ABHD17B: variants seen among roughly 807,000 people sequenced by gnomAD.
The protein encoded by ABHD17B is abhydrolase domain containing 17B, depalmitoylase, also known as alpha/beta hydrolase domain-containing protein 17B.
Under a neutral mutation model 26.2 loss-of-function variants are expected in ABHD17B, and 9 were observed. The ratio of observed to expected loss-of-function variants is 0.34; its 90% CI spans 0.21 to 0.60. The LOEUF (loss-of-function observed/expected upper bound fraction) is 0.60. Ranked by LOEUF, ABHD17B falls within the 20% of genes least tolerant of loss-of-function variation. The pLI, the probability that ABHD17B is intolerant of heterozygous loss-of-function variation, is 0.80. For synonymous variants in ABHD17B, 127 were observed against 122.3 expected (o/e 1.04, Z -0.25); for missense variants, 224 against 352.1 (o/e 0.64, Z 2.91).
intron 1 of ABHD17B, among the ~76,000 whole-genome samples, chr9:71,883,762 C>A (rs1826520773): frequency 6.6e-6 from 1 of 152,086 alleles, no homozygotes; most frequent in Non-Finnish European, 1.5e-5. Flanking sequence ...CATGGTGAAA[C>A]CCCATCTCTA....
At chr9:71,897,206 T>C (rs2132192983) in intron 1 of ABHD17B, among the ~76,000 whole-genome samples, 1 of 152,108 alleles carries the variant, frequency 6.6e-6, no homozygotes, top group South Asian at 2.1e-4. Context: ...CCACTCCATA[T>C]CATTAAACTT....
chr9:71,865,283 A>G lies in ABHD17B; in HGVS notation c.*1504T>C. 1 of 985,732 alleles carries G rather than the reference A, an allele frequency of 1.0e-6. No homozygotes were observed. The highest frequency in any genetic ancestry group is 1.2e-6 in the Non-Finnish European group (1 of 829,818). The allele number at this position is 985,732 out of a possible 1,614,324, so 61.1% of individuals were successfully genotyped here. ...AACCACGGAACGAGCAGAACAATTAAAACTACATAAGGCCTTAAAATATAT... is the reference window on the plus strand; with the variant it reads ...AACCACGGAACGAGCAGAACAATTAGAACTACATAAGGCCTTAAAATATAT... On this transcript the variant is annotated 3_prime_UTR_variant, in exon 4 of 4. Coordinates refer to ENST00000333421, the MANE Select transcript of ABHD17B (RefSeq NM_001025780.3).
chr9:71,890,107 AAAAT>A (rs10529849), intron 1 of ABHD17B, among the ~76,000 whole-genome samples: 7,503 of 150,882 alleles, frequency 0.05, 641 homozygotes, highest in African/African-American at 0.17. Context: ...ACTAAAAATA[AAAAT>A]AAATAAATAA....
chr9:71,907,763 G>A (rs777470107), intron 1 of ABHD17B, among the ~76,000 whole-genome samples: 2 of 152,036 alleles, frequency 1.3e-5, no homozygotes, highest in African/African-American at 2.4e-5. Flanking sequence ...CGCCTGCCTC[G>A]GCCTCCCTCC....
intron 1 of ABHD17B, among the ~76,000 whole-genome samples, chr9:71,898,017 G>T (rs1159279033): frequency 6.6e-6 from 1 of 151,886 alleles, no homozygotes; most frequent in African/African-American, 2.4e-5. Flanking sequence ...TGCTTAAGAA[G>T]AAATGGAATA....
At chr9:71,887,889 T>A (rs1826661135) in intron 1 of ABHD17B, among the ~76,000 whole-genome samples, 1 of 152,182 alleles carries the variant, frequency 6.6e-6, no homozygotes, top group Admixed American at 6.5e-5. Context: ...CTAACCCAAT[T>A]CTAACATAAA....
rs1392732416 is a variant in ABHD17B, at chr9:71,911,124, G to A, written c.-494C>T. Among the ~76,000 whole-genome samples, 1 of 152,138 alleles carries A rather than the reference G, an allele frequency of 6.6e-6. No individual in the cohort carries two copies. Among genetic ancestry groups the A allele is most frequent in the Admixed American group, 6.5e-5 (1 of 15,280 alleles). Reference sequence around the variant, plus strand: ...CAAGCGCGAGGCTCGTTCCGGTAGCGGGAGGAAGACTGGAGGGGAACGGAG... The same window carrying A: ...CAAGCGCGAGGCTCGTTCCGGTAGCAGGAGGAAGACTGGAGGGGAACGGAG... On this transcript the variant is annotated 5_prime_UTR_variant, in exon 1 of 4. Coordinates refer to ENST00000333421, the MANE Select transcript of ABHD17B (RefSeq NM_001025780.3).
intron 1 of ABHD17B, among the ~76,000 whole-genome samples, chr9:71,880,038 A>G (rs59641516): frequency 3.4e-4 from 52 of 152,348 alleles, no homozygotes; most frequent in African/African-American, 1.3e-3. Flanking sequence ...TTTGAGCTAC[A>G]GACATAGTTT....
At chr9:71,870,665 T>C (rs1261591992) in intron 2 of ABHD17B, among the ~76,000 whole-genome samples, 1 of 152,214 alleles carries the variant, frequency 6.6e-6, no homozygotes, top group Non-Finnish European at 1.5e-5. Flanking sequence ...AAGTTATTTA[T>C]TTCTCCACAC....
rs1195947401 is a variant in ABHD17B, at chr9:71,870,240, C to T, written c.490G>A (p.Val164Met). 3.8e-6 allele frequency: 6 copies of T among 1,595,200 alleles called. No individual in the cohort carries two copies. Among genetic ancestry groups the T allele is most frequent in the Non-Finnish European group, 4.3e-6 (5 of 1,173,564 alleles). Residue 164 changes from valine to methionine, a missense_variant, in exon 3 of 4, where the codon GTG becomes ATG. Coordinates refer to ENST00000333421, the MANE Select transcript of ABHD17B (RefSeq NM_001025780.3). Reference protein sequence around the residue: ...RTRYGIRPENVIIYGQSIGTV... With the variant: ...RTRYGIRPENMIIYGQSIGTV... Reference sequence around the variant, plus strand: ...CCTATACTTTGGCCATATATAATCACATTTTCAGGGCGAATGCCATATCTA... The same window carrying T: ...CCTATACTTTGGCCATATATAATCATATTTTCAGGGCGAATGCCATATCTA...
chr9:71,902,714 T>C (rs1209209012), intron 1 of ABHD17B, among the ~76,000 whole-genome samples: 1 of 152,214 alleles, frequency 6.6e-6, no homozygotes, highest in Non-Finnish European at 1.5e-5. Context: ...TTTTAGGGGT[T>C]GGGTCCACAG....
rs192626914 is a variant in ABHD17B at position 71,902,840 on chromosome 9, A to G, written c.-4+7794T>C. On this transcript the variant is annotated intron_variant, in intron 1 of 3. Coordinates refer to ENST00000333421, the MANE Select transcript of ABHD17B (RefSeq NM_001025780.3). ...AAAGTTTATTATACGAATTATTTCCATTGATTTTAATTTTCAAAACAAACT... is the reference window on the plus strand; with the variant it reads ...AAAGTTTATTATACGAATTATTTCCGTTGATTTTAATTTTCAAAACAAACT... Among the ~76,000 whole-genome samples the G allele has an allele frequency of 2.6e-5, 4 of 152,330 alleles. No individual in the cohort carries two copies. The East Asian group carries it at 7.7e-4, about 29-fold the overall frequency.
chr9:71,864,367 G>A (rs989119617), downstream of ABHD17B, among the ~76,000 whole-genome samples: 3 of 151,566 alleles, frequency 2.0e-5, no homozygotes, highest in African/African-American at 2.4e-5. Flanking sequence ...CTACAGGCGC[G>A]TGCCACCACG....
chr9:71,881,812 G>A (rs1279522316), intron 1 of ABHD17B, among the ~76,000 whole-genome samples: 1 of 152,000 alleles, frequency 6.6e-6, no homozygotes, highest in African/African-American at 2.4e-5. Flanking sequence ...CTTGAACACG[G>A]GAGGTGGAGG....
At chr9:71,889,028 A>C (rs1589223788) in intron 1 of ABHD17B, among the ~76,000 whole-genome samples, 1 of 145,456 alleles carries the variant, frequency 6.9e-6, no homozygotes, top group East Asian at 1.9e-4. Flanking sequence ...AAAAAAAAAA[A>C]CAAACCAGCC....
intron 1 of ABHD17B, among the ~76,000 whole-genome samples, chr9:71,883,274 GGTA>G (rs571552698): frequency 4.5e-4 from 69 of 152,242 alleles, no homozygotes; most frequent in African/African-American, 1.7e-3. Context: ...GTATTTGTGG[GGTA>G]GATAGGAATT....
intron 3 of ABHD17B, among the ~76,000 whole-genome samples, chr9:71,867,689 C>T (rs1016276610): frequency 6.6e-6 from 1 of 152,096 alleles, no homozygotes; most frequent in African/African-American, 2.4e-5. Flanking sequence ...AGAAAGTTAG[C>T]CTCCCCTTCC....
chr9:71,902,999 A>C (rs1203596656), intron 1 of ABHD17B, among the ~76,000 whole-genome samples: 1 of 152,168 alleles, frequency 6.6e-6, no homozygotes, highest in Non-Finnish European at 1.5e-5. Context: ...AAGTAAATGA[A>C]GTTATTTCAA....
rs1232042900 is a variant in ABHD17B at position 71,870,216 on chromosome 9, C to A, written c.514G>T (p.Gly172Trp). The change falls in exon 3 of 4, where the codon GGG becomes TGG. Residue 172 changes from glycine to tryptophan, a missense_variant. Gly to Trp is a radical substitution (Grantham distance 184). Transcript: ENST00000333421. ...ENVIIYGQSI[G>W]TVPSVDLAAR... ...GCAAGATCCACAGACGGTACTGTCC[C>A]TATACTTTGGCCATATATAATCACA... The A allele has an allele frequency of 6.2e-7, 1 of 1,610,856 alleles. No homozygotes were observed. Among genetic ancestry groups the A allele is most frequent in the Non-Finnish European group, 8.5e-7 (1 of 1,179,006 alleles).
Sources: gnomAD v4.1 joint callset for allele counts (sites outside exome capture counted in the v4.1 genomes callset) on GRCh38, gnomAD v4.1.1 for gene constraint, MANE v1.5 for transcripts, NCBI Gene and HGNC (gene_info 2026-07-23, HGNC 2026-07-21) for gene names.